Variants in PDLIM5 observed in about 807,000 individuals in gnomAD.
PDLIM5 encodes PDZ and LIM domain 5.
A neutral mutation model predicts 64.2 loss-of-function variants in PDLIM5; 34 were observed. The observed-to-expected ratio is 0.53, with a 90% CI of 0.40 to 0.71. PDLIM5 has a LOEUF of 0.71. Ranked by LOEUF, PDLIM5 falls within the 30% of genes least tolerant of loss-of-function variation. The probability of loss-of-function intolerance (pLI) is 0.00; values close to 1 mark genes in which losing one functional copy is unlikely to be tolerated. For synonymous variants in PDLIM5, 253 were observed against 269.1 expected (o/e 0.94, Z 0.59); for missense variants, 683 against 733.6 (o/e 0.93, Z 0.80).
chr4:94,546,839 C>CA lies in PDLIM5; in HGVS notation c.248+22965dup, dbSNP rs397765180. Among the ~76,000 whole-genome samples, 28 of 151,722 alleles carry CA rather than the reference C, an allele frequency of 1.8e-4. No homozygotes were observed. In the East Asian group the frequency reaches 3.3e-3, roughly 18 times the overall value. Reference sequence around the variant, plus strand: ...ACTCCTTCTGACATTAGGCCCCCCCCACCTTTTTCAACCTGAATATTCAAG... The same window carrying CA: ...ACTCCTTCTGACATTAGGCCCCCCCCAACCTTTTTCAACCTGAATATTCAAG... On this transcript the variant is annotated intron_variant, in intron 3 of 12. Transcript: ENST00000317968.
chr4:94,527,008 T>G (rs1730421741), intron 3 of PDLIM5, among the ~76,000 whole-genome samples: 1 of 150,538 alleles, frequency 6.6e-6, no homozygotes, highest in Non-Finnish European at 1.5e-5. Context: ...GTGCTGGAAT[T>G]ACAGGCATGA....
chr4:94,596,999 AT>A (rs1737117235), intron 7 of PDLIM5, among the ~76,000 whole-genome samples: 5 of 152,110 alleles, frequency 3.3e-5, no homozygotes, highest in Admixed American at 6.6e-5. Flanking sequence ...GATGCACCTA[AT>A]TAACTACTCC....
chr4:94,648,843 C>T (rs1741620676), intron 9 of PDLIM5, among the ~76,000 whole-genome samples: 1 of 152,196 alleles, frequency 6.6e-6, no homozygotes, highest in Non-Finnish European at 1.5e-5. Flanking sequence ...TCAGGGCCAG[C>T]AGTAGAGCCT....
chr4:94,521,077 C>T (rs1009526855), intron 2 of PDLIM5, among the ~76,000 whole-genome samples: 16 of 152,252 alleles, frequency 1.1e-4, no homozygotes, highest in African/African-American at 3.9e-4. Context: ...AACATGATCC[C>T]TGACCTTATG....
At chr4:94,485,849 CAAA>C (rs10637280) in intron 2 of PDLIM5, among the ~76,000 whole-genome samples, 9 of 100,224 alleles carry the variant, frequency 9.0e-5, no homozygotes, top group Admixed American at 1.2e-4. Context: ...GACTCCGTCT[CAAA>C]AAAAAAAAAA....
chr4:94,520,732 A>G (rs541048842), intron 2 of PDLIM5, among the ~76,000 whole-genome samples: 1 of 152,336 alleles, frequency 6.6e-6, no homozygotes, highest in African/African-American at 2.4e-5. Context: ...CATGCCCTTA[A>G]GTTTACATCT....
chr4:94,468,040 A>C (rs933320415), intron 2 of PDLIM5, among the ~76,000 whole-genome samples: 1 of 152,240 alleles, frequency 6.6e-6, no homozygotes, highest in African/African-American at 2.4e-5. Context: ...ATATGTTAAG[A>C]CCAATGCAAA....
rs1041358613 is a variant in PDLIM5 at position 94,646,536 on chromosome 4, T to A, written c.1283+6086T>A. ...CAAACTAATTCAGTTTATAGTCTAA[T>A]AAAAAATACAGACAAGCAAATCAAC... is the stretch of plus-strand genomic sequence containing the variant. On this transcript the variant is annotated intron_variant, in intron 9 of 12. Coordinates refer to ENST00000317968, the MANE Select transcript of PDLIM5 (RefSeq NM_006457.5). Among the ~76,000 whole-genome samples the A allele has an allele frequency of 3.3e-5, 5 of 152,150 alleles. No individual in the cohort carries two copies. In the East Asian group the frequency reaches 9.6e-4, roughly 29 times the overall value.
At chr4:94,593,682 G>A (rs1736849529) in intron 7 of PDLIM5, among the ~76,000 whole-genome samples, 1 of 152,140 alleles carries the variant, frequency 6.6e-6, no homozygotes, top group African/African-American at 2.4e-5. Flanking sequence ...TAGTCACATT[G>A]TGGGTTAGGG....
chr4:94,465,161 C>T (rs1271049297), intron 2 of PDLIM5, among the ~76,000 whole-genome samples: 2 of 151,976 alleles, frequency 1.3e-5, no homozygotes, highest in Non-Finnish European at 2.9e-5. Flanking sequence ...TCTTATCATC[C>T]CTAAAGCCCT....
chr4:94,664,072 C>T lies in PDLIM5; in HGVS notation c.*5C>T. 6.3e-7 allele frequency: 1 copy of T among 1,587,776 alleles called. No individual in the cohort carries two copies. Among genetic ancestry groups the T allele is most frequent in the Non-Finnish European group, 8.6e-7 (1 of 1,163,086 alleles). On this transcript the variant is annotated 3_prime_UTR_variant, in exon 13 of 13. Coordinates refer to ENST00000317968, the MANE Select transcript of PDLIM5 (RefSeq NM_006457.5). ...GCTCATTCTGTGAATTTTTGAAAGT[C>T]AACAGTTCAGGAGAAGAGAAGGAAT...
intron 8 of PDLIM5, among the ~76,000 whole-genome samples, chr4:94,624,831 TA>T (rs1739538762): frequency 6.6e-6 from 1 of 152,190 alleles, no homozygotes; most frequent in Admixed American, 6.5e-5. Context: ...GTTTTGAATG[TA>T]AGAGTGTGGA....
chr4:94,561,016 C>T (rs1179358161), intron 3 of PDLIM5, among the ~76,000 whole-genome samples: 13 of 152,254 alleles, frequency 8.5e-5, no homozygotes, highest in Admixed American at 3.3e-4. Flanking sequence ...CTTGAGCCAC[C>T]GCGCCCAGCC....
chr4:94,571,539 A>G (rs1213499452), intron 3 of PDLIM5, among the ~76,000 whole-genome samples: 2 of 152,040 alleles, frequency 1.3e-5, no homozygotes, highest in Non-Finnish European at 2.9e-5. Flanking sequence ...CTGGTTTGAA[A>G]CTCACACTAC....
chr4:94,631,933 T>G (rs1258629689), intron 8 of PDLIM5, among the ~76,000 whole-genome samples: 1 of 152,274 alleles, frequency 6.6e-6, no homozygotes, highest in Non-Finnish European at 1.5e-5. Context: ...TTGGTGACTC[T>G]TGAATCAATT....
intron 7 of PDLIM5, chr4:94,611,253 T>G: frequency 7.0e-7 from 1 of 1,434,078 alleles, no homozygotes; most frequent in Admixed American, 2.0e-5. Flanking sequence ...GCATACTGCT[T>G]TCTCTAACAC....
intron 9 of PDLIM5, among the ~76,000 whole-genome samples, chr4:94,641,058 G>T (rs562459983): frequency 1.2e-4 from 19 of 152,214 alleles, no homozygotes; most frequent in Non-Finnish European, 2.4e-4. Context: ...CTGTACTGCA[G>T]CTTATTGAAT....
In PDLIM5 at chr4:94,585,563, A is replaced by G; in HGVS notation, c.711-2A>G. 1 of 1,573,492 alleles carries G rather than the reference A, an allele frequency of 6.4e-7. No homozygotes were observed. The highest frequency in any genetic ancestry group is 8.7e-7 in the Non-Finnish European group (1 of 1,155,428). On this transcript the variant is annotated splice_acceptor_variant, in intron 5 of 12. Transcript: ENST00000317968. LOFTEE classifies it high-confidence loss of function. ...TAATTTTTTTTTTCTCCTTAACCCT[A>G]GCCCACCAAGAAAACACATTGTGGA...
chr4:94,546,933 G>A (rs1174195960), intron 3 of PDLIM5, among the ~76,000 whole-genome samples: 1 of 150,542 alleles, frequency 6.6e-6, no homozygotes, highest in Non-Finnish European at 1.5e-5. Context: ...GTAACATCTA[G>A]GTTTTACACT....
Sources: allele counts gnomAD v4.1 joint callset (sites outside exome capture counted in the v4.1 genomes callset), GRCh38; gene constraint gnomAD v4.1.1; transcripts MANE v1.5; gene names NCBI Gene and HGNC (gene_info 2026-07-23, HGNC 2026-07-21).